PTCH1: variants seen among roughly 807,000 people sequenced by gnomAD.
The protein encoded by PTCH1 is patched 1.
Under a neutral mutation model 144.6 loss-of-function variants are expected in PTCH1, and 14 were observed. The observed-to-expected ratio is 0.10, with a 90% CI of 0.06 to 0.15. The LOEUF (loss-of-function observed/expected upper bound fraction) is 0.15, where lower values mean the gene tolerates loss of function less well. Ranked by LOEUF, PTCH1 falls within the 10% of genes least tolerant of loss-of-function variation. The pLI, the probability that PTCH1 is intolerant of heterozygous loss-of-function variation, is 1.00. For synonymous variants in PTCH1, 833 were observed against 793.6 expected (o/e 1.05, Z -0.83); for missense variants, 1,623 against 1,948.3 (o/e 0.83, Z 3.14).
At chr9:95,505,164 A>ATCT (rs1439231439) in intron 2 of PTCH1, among the ~76,000 whole-genome samples, 2 of 152,240 alleles carry the variant, frequency 1.3e-5, no homozygotes, top group Non-Finnish European at 2.9e-5. Flanking sequence ...TGCAAGCTGA[A>ATCT]TCTTCACAAA....
exon 1 of PTCH1, chr9:95,516,638 C>T (rs1393380365): frequency 6.2e-7 from 1 of 1,609,598 alleles, no homozygotes; most frequent in Non-Finnish European, 8.5e-7. Flanking sequence ...CGCTGCGGGT[C>T]TCTTTGTCTC....
chr9:95,446,678 C>T, intron 23 of PTCH1: 4 of 619,580 alleles, frequency 6.5e-6, no homozygotes, highest in Non-Finnish European at 2.9e-6. Flanking sequence ...CTGCACCGAC[C>T]CTCCGCAGGT....
In PTCH1 at chr9:95,443,135, AAATT is replaced by A. The variant is rs1206391983; in HGVS notation, c.*3254_*3257del. The A allele has an allele frequency of 3.3e-5, 5 of 152,236 alleles. No individual in the cohort carries two copies. Among genetic ancestry groups the A allele is most frequent in the Admixed American group, 1.3e-4 (2 of 15,290 alleles). The allele number at this position is 152,236 out of a possible 1,614,324, so 9.4% of individuals were successfully genotyped here. On this transcript the variant is annotated 3_prime_UTR_variant, in exon 24 of 24. Transcript: ENST00000331920. ...AACAAAAATAGGGTCAGGTGATAAG[AAATT>A]AATTAATGGGTACAATGTACACTAT...
intron 12 of PTCH1, among the ~76,000 whole-genome samples, chr9:95,470,898 G>A (rs1477012013): frequency 1.3e-5 from 2 of 152,096 alleles, no homozygotes; most frequent in Non-Finnish European, 2.9e-5. Flanking sequence ...TGGCTAACAC[G>A]GTGAAACCCC....
At chr9:95,464,744 G>A (rs898187970) in intron 15 of PTCH1, among the ~76,000 whole-genome samples, 2 of 152,104 alleles carry the variant, frequency 1.3e-5, no homozygotes, top group East Asian at 1.9e-4. Context: ...CCAATGAGAT[G>A]ACATAGTTTT....
intron 3 of PTCH1, among the ~76,000 whole-genome samples, chr9:95,484,759 G>C (rs549518694): frequency 6.6e-6 from 1 of 152,214 alleles, no homozygotes; most frequent in Non-Finnish European, 1.5e-5. Context: ...TCAATGCTGG[G>C]GTGAAAACAG....
intron 2 of PTCH1, among the ~76,000 whole-genome samples, chr9:95,498,077 A>T (rs1265686720): frequency 6.6e-6 from 1 of 152,204 alleles, no homozygotes; most frequent in Non-Finnish European, 1.5e-5. Context: ...AGGGGGAAAA[A>T]AAATCATGCA....
At chr9:95,511,016 A>G (rs1008614787), upstream of PTCH1, among the ~76,000 whole-genome samples, 1 of 149,956 alleles carries the variant, frequency 6.7e-6, no homozygotes, top group African/African-American at 2.4e-5. Context: ...GACGCGCCGT[A>G]GTACATTCCT....
chr9:95,500,572 G>A (rs1158904881), intron 2 of PTCH1, among the ~76,000 whole-genome samples: 1 of 152,118 alleles, frequency 6.6e-6, no homozygotes. Flanking sequence ...AAGAAACCAG[G>A]TGCTCACTGT....
Position 95,508,079 on chromosome 9 carries a change from G to A in PTCH1, c.201+82C>T, listed in dbSNP as rs1385346154. 17 of 1,591,190 alleles carry A rather than the reference G, an allele frequency of 1.1e-5. No individual in the cohort carries two copies. The East Asian group carries it at 3.2e-4, about 30-fold the overall frequency. ...TGTGTGAGAGAGAGAGGAAGAGAGT[G>A]TGTGTGTTTGTGTGTGGCGGGGGCG... On this transcript the variant is annotated intron_variant, in intron 1 of 23. Coordinates refer to ENST00000331920, the MANE Select transcript of PTCH1 (RefSeq NM_000264.5).
chr9:95,458,094 C>T lies in PTCH1; in HGVS notation c.3087G>A (p.Leu1029=), dbSNP rs2136660541. 4 of 1,614,208 alleles carry T rather than the reference C, an allele frequency of 2.5e-6. No homozygotes were observed. The highest frequency in any genetic ancestry group is 3.4e-6 in the Non-Finnish European group (4 of 1,180,040). ...AGGCCAACACCACGCTGATGAACAG[C>T]AGCAGCCAGTGGCGGAGGCCGATGT... ...EQYIGLRHWL[L]LFISVVLACT... is the part of the protein sequence containing the mutation. The change falls in exon 18 of 24, where the codon CTG becomes CTA. Residue 1029 remains leucine (L), a synonymous_variant. Coordinates refer to ENST00000331920, the MANE Select transcript of PTCH1 (RefSeq NM_000264.5). This position sits in a 1 kb window ranked among gnomAD's most constrained non-coding sequence, Gnocchi z 4.7.
chr9:95,493,932 T>C (rs1842615735), intron 2 of PTCH1, among the ~76,000 whole-genome samples: 1 of 152,220 alleles, frequency 6.6e-6, no homozygotes, highest in South Asian at 2.1e-4. Context: ...GGCCGTTTTT[T>C]TCCTTATGAG....
rs201634256 is a variant in PTCH1 at position 95,476,180 on chromosome 9, C to T, written c.1603-21G>A. 2.7e-5 allele frequency: 43 copies of T among 1,605,556 alleles called. No homozygotes were observed. The East Asian group carries it at 7.2e-4, about 27-fold the overall frequency. On this transcript the variant is annotated intron_variant, in intron 11 of 23. Transcript: ENST00000331920. This position sits in a 1 kb window ranked among gnomAD's most constrained non-coding sequence, Gnocchi z 4.6. ...CTGTCCTGGGAATAAAAAAACACAG[C>T]GCTGAGAGCTGCACTGGACATGGTC...
chr9:95,498,663 GA>G (rs572979502), intron 2 of PTCH1, among the ~76,000 whole-genome samples: 87 of 148,030 alleles, frequency 5.9e-4, no homozygotes, highest in East Asian at 5.7e-3. Flanking sequence ...AATTTAAAGA[GA>G]AAAAAAAAAT....
At chr9:95,448,688 G>C (rs1156680967) in intron 22 of PTCH1, among the ~76,000 whole-genome samples, 2 of 150,514 alleles carry the variant, frequency 1.3e-5, no homozygotes, top group South Asian at 2.1e-4. Flanking sequence ...AATACTACTA[G>C]TTTTAGAAAA....
chr9:95,457,899 G>A (rs1839081756), intron 18 of PTCH1, 114 bp downstream of exon 18: 6 of 1,387,712 alleles, frequency 4.3e-6, no homozygotes. Context: ...TATTACGGAT[G>A]ATGCAAGCTA....
intron 16 of PTCH1, among the ~76,000 whole-genome samples, chr9:95,461,542 G>A (rs1048621975): frequency 1.3e-5 from 2 of 152,134 alleles, no homozygotes; most frequent in African/African-American, 2.4e-5. Flanking sequence ...AGAATCACAC[G>A]CCGCTGCATT....
At chr9:95,493,377 C>T (rs1842562663) in intron 2 of PTCH1, among the ~76,000 whole-genome samples, 1 of 152,234 alleles carries the variant, frequency 6.6e-6, no homozygotes, top group African/African-American at 2.4e-5. Flanking sequence ...GCCCATGCAC[C>T]TCCGTATGTG....
At position 95,478,111 on chromosome 9, in the gene PTCH1, G is replaced by A. The variant is rs1416185684; in HGVS notation, c.1291C>T (p.Leu431=). 6.2e-7 allele frequency: 1 copy of A among 1,614,212 alleles called. No homozygotes were observed. The highest frequency in any genetic ancestry group is 1.1e-5 in the South Asian group (1 of 91,078). The part of the protein sequence containing the change: ...SFTTTTLDDI[L]KSFSDVSVIR... Reference sequence around the variant, plus strand: ...ACACTGACGTCAGAGAAGGATTTCAGGATGTCGTCCAGGGTCGTGGTGGTG... The same window carrying A: ...ACACTGACGTCAGAGAAGGATTTCAAGATGTCGTCCAGGGTCGTGGTGGTG... Residue 431 remains leucine, a synonymous_variant, in exon 9 of 24, where the codon CTG becomes TTG. Coordinates refer to ENST00000331920, the MANE Select transcript of PTCH1 (RefSeq NM_000264.5).
Sources: gnomAD v4.1 joint callset for allele counts (sites outside exome capture counted in the v4.1 genomes callset) on GRCh38, gnomAD v4.1.1 for gene constraint, Gnocchi (gnomAD v3.1) non-coding constraint, MANE v1.5 for transcripts, NCBI Gene and HGNC (gene_info 2026-07-23, HGNC 2026-07-21) for gene names.